Variants in ADK observed in about 807,000 individuals in gnomAD.
ADK encodes N6,N6-dimethyladenosine kinase.
ADK carries 24 observed loss-of-function variants against 44.7 expected under a neutral mutation model. The ratio of observed to expected loss-of-function variants is 0.54; its 90% CI spans 0.39 to 0.76. ADK has a LOEUF of 0.76. Among genes scored for constraint, ADK ranks in the 30% least tolerant of loss-of-function variants. The probability of loss-of-function intolerance (pLI) is 0.00; values close to 1 mark genes in which losing one functional copy is unlikely to be tolerated. For synonymous variants in ADK, 128 were observed against 142.6 expected, an observed-to-expected ratio of 0.90 and a Z score of 0.73; for missense variants, 321 against 425.1, an observed-to-expected ratio of 0.76 and a Z score of 2.15.
chr10:74,528,053 T>G, intron 7 of ADK: 4 of 972,506 alleles, frequency 4.1e-6, no homozygotes, highest in Admixed American at 3.5e-5. Context: ...AGTAAACTCT[T>G]AAGATAAAAT....
intron 3 of ADK, among the ~76,000 whole-genome samples, chr10:74,243,040 A>C (rs1216381351): frequency 1.3e-5 from 2 of 152,234 alleles, no homozygotes; most frequent in African/African-American, 2.4e-5. Context: ...GCAGGTACCC[A>C]AAAAGGCTGT....
At chr10:74,161,809 G>C (rs148854962) in intron 1 of ADK, among the ~76,000 whole-genome samples, 1 of 151,676 alleles carries the variant, frequency 6.6e-6, no homozygotes, top group Admixed American at 6.6e-5. Context: ...AGGCTCAAGC[G>C]ATCCTCCTAT....
intron 6 of ADK, among the ~76,000 whole-genome samples, chr10:74,465,171 G>T (rs551833523): frequency 6.6e-6 from 1 of 152,294 alleles, no homozygotes; most frequent in Admixed American, 6.5e-5. Flanking sequence ...ACCCAAGACA[G>T]TGATGTTTAA....
intron 6 of ADK, among the ~76,000 whole-genome samples, chr10:74,455,541 C>T (rs1398628135): frequency 6.6e-6 from 1 of 151,652 alleles, no homozygotes; most frequent in African/African-American, 2.4e-5. Flanking sequence ...GACAGAGTCT[C>T]ACTCCGTCAC....
intron 6 of ADK, chr10:74,423,548 G>A (rs992505163): frequency 6.3e-5 from 14 of 223,380 alleles, no homozygotes; most frequent in East Asian, 2.8e-4. Context: ...CTTAGCTCTC[G>A]CCGTGTAAAC....
chr10:74,481,256 G>A (rs1429760147), intron 6 of ADK, among the ~76,000 whole-genome samples: 1 of 152,120 alleles, frequency 6.6e-6, no homozygotes, highest in Non-Finnish European at 1.5e-5. Flanking sequence ...CCATTATCCT[G>A]AAATAGATTT....
At chr10:74,494,411 A>G (rs12764980) in intron 6 of ADK, among the ~76,000 whole-genome samples, 3,327 of 152,228 alleles carry the variant, frequency 0.022, 57 homozygotes, top group Non-Finnish European at 0.038. Context: ...ATACAGATGT[A>G]TGTATTATTT....
chr10:74,554,463 G>T (rs556202666), intron 7 of ADK, among the ~76,000 whole-genome samples: 1 of 152,028 alleles, frequency 6.6e-6, no homozygotes, highest in East Asian at 1.9e-4. Context: ...TATTTAATGG[G>T]TTATGTTTCT....
intron 9 of ADK, among the ~76,000 whole-genome samples, chr10:74,605,472 G>A (rs1208237244): frequency 6.6e-6 from 1 of 151,932 alleles, no homozygotes; most frequent in Non-Finnish European, 1.5e-5. Context: ...GAATTTTATC[G>A]AAGGCCTTTT....
At chr10:74,619,280 C>T (rs371431127) in intron 9 of ADK, among the ~76,000 whole-genome samples, 1 of 152,012 alleles carries the variant, frequency 6.6e-6, no homozygotes, top group African/African-American at 2.4e-5. Flanking sequence ...CATGGTGAAA[C>T]CCTGACTCTA....
intron 6 of ADK, among the ~76,000 whole-genome samples, chr10:74,447,685 A>G (rs1450235405): frequency 1.3e-5 from 2 of 152,160 alleles, no homozygotes; most frequent in East Asian, 3.9e-4. Flanking sequence ...TTCCTATCTT[A>G]GTTTTCTCAT....
intron 7 of ADK, among the ~76,000 whole-genome samples, chr10:74,581,917 T>C (rs966421421): frequency 2.6e-5 from 4 of 152,126 alleles, no homozygotes; most frequent in African/African-American, 7.2e-5. Flanking sequence ...AAGCCTCAGA[T>C]CTAAATGCTG....
At chr10:74,166,702 GAA>G (rs11312116) in intron 1 of ADK, among the ~76,000 whole-genome samples, 43 of 140,308 alleles carry the variant, frequency 3.1e-4, no homozygotes, top group Middle Eastern at 3.6e-3. Context: ...AAAAAAAAAA[GAA>G]AAAAAAAAAA....
At chr10:74,183,821 C>T (rs10824098) in intron 1 of ADK, among the ~76,000 whole-genome samples, 30,562 of 151,848 alleles carry the variant, frequency 0.2, 4,086 homozygotes, top group African/African-American at 0.38. Context: ...AAATATACTA[C>T]TAATAAAATA....
At chr10:74,187,133 T>C (rs1842792511) in intron 1 of ADK, among the ~76,000 whole-genome samples, 1 of 152,174 alleles carries the variant, frequency 6.6e-6, no homozygotes, top group Non-Finnish European at 1.5e-5. Flanking sequence ...GGCATTCTCC[T>C]GAGTGTGTAC....
intron 6 of ADK, among the ~76,000 whole-genome samples, chr10:74,447,437 T>C (rs1361019753): frequency 1.3e-5 from 2 of 152,124 alleles, no homozygotes; most frequent in Non-Finnish European, 2.9e-5. Flanking sequence ...CAAATATGAA[T>C]TTCCTTTACA....
rs772071732 is a variant in ADK at position 74,206,378 on chromosome 10, G to T, written c.140+5540G>T. The stretch of plus-strand genomic sequence containing the variant: ...GCTCATTGGCACTAGTTTTGGGGAG[G>T]TGGCAAGCTTTGATTGGTGAGTGAC... On this transcript the variant is annotated intron_variant, in intron 2 of 10. Transcript: ENST00000539909. Among the ~76,000 whole-genome samples the T allele has an allele frequency of 1.8e-4, 28 of 152,334 alleles. 1 individual carries two copies. Among genetic ancestry groups the T allele is most frequent in the South Asian group, 4.1e-4 (2 of 4,830 alleles).
chr10:74,311,299 T>C (rs1052238952), intron 3 of ADK, among the ~76,000 whole-genome samples: 1 of 152,180 alleles, frequency 6.6e-6, no homozygotes, highest in African/African-American at 2.4e-5. Context: ...TTTAAAAATG[T>C]TTAACACTTA....
chr10:74,540,257 T>C (rs1279615003), intron 7 of ADK, among the ~76,000 whole-genome samples: 1 of 152,154 alleles, frequency 6.6e-6, no homozygotes, highest in African/African-American at 2.4e-5. Flanking sequence ...TAATTTGAAA[T>C]AGTTTGAATT....
Sources: gnomAD v4.1 joint callset for allele counts (sites outside exome capture counted in the v4.1 genomes callset) on GRCh38, gnomAD v4.1.1 for gene constraint, MANE v1.5 for transcripts, NCBI Gene and HGNC (gene_info 2026-07-23, HGNC 2026-07-21) for gene names.